ASTN1: variants seen among roughly 807,000 people sequenced by gnomAD.
ASTN1 encodes astrotactin-1.
Under a neutral mutation model 140.7 loss-of-function variants are expected in ASTN1, and 41 were observed. The ratio of observed to expected loss-of-function variants is 0.29; its 90% confidence interval spans 0.23 to 0.38. ASTN1 has a LOEUF of 0.38. ASTN1 is among the 10% of genes least tolerant of loss of function. The pLI, the probability that ASTN1 is intolerant of heterozygous loss-of-function variation, is 1.00. For missense variants in ASTN1, 1,479 were observed against 1,678.8 expected, an observed-to-expected ratio of 0.88 and a Z score of 2.08; for synonymous variants, 640 against 652.2, an observed-to-expected ratio of 0.98 and a Z score of 0.29.
chr1:176,877,522 G>C (rs1031566177), intron 20 of ASTN1, among the ~76,000 whole-genome samples: 1 of 152,176 alleles, frequency 6.6e-6, no homozygotes, highest in Admixed American at 6.5e-5. Context: ...CCCCTTCCTA[G>C]AAGAAAATGA....
chr1:177,153,057 C>G (rs566962531), intron 1 of ASTN1, among the ~76,000 whole-genome samples: 2 of 152,160 alleles, frequency 1.3e-5, no homozygotes, highest in South Asian at 4.1e-4. Flanking sequence ...TGTTTGTCCT[C>G]CCACACCACT....
intron 8 of ASTN1, among the ~76,000 whole-genome samples, chr1:176,969,431 C>A (rs1485711706): frequency 1.3e-5 from 2 of 152,156 alleles, no homozygotes; most frequent in Non-Finnish European, 2.9e-5. Flanking sequence ...GTCAGATGAG[C>A]AACCTGGACC....
intron 14 of ASTN1, among the ~76,000 whole-genome samples, chr1:176,937,436 A>G (rs1671496370): frequency 6.6e-6 from 1 of 152,158 alleles, no homozygotes; most frequent in Non-Finnish European, 1.5e-5. Flanking sequence ...TAGTTGTCCA[A>G]GGTCACTCTC....
chr1:176,864,646 T>C (rs982301767), intron 22 of ASTN1, 125 bp from the exon 23 acceptor site: 4 of 1,387,110 alleles, frequency 2.9e-6, no homozygotes, highest in Non-Finnish European at 2.9e-6. Flanking sequence ...GCTCCCTATT[T>C]TATCTTTGGC....
At chr1:176,960,648 C>T (rs1381693317) in intron 9 of ASTN1, among the ~76,000 whole-genome samples, 1 of 152,194 alleles carries the variant, frequency 6.6e-6, no homozygotes, top group Non-Finnish European at 1.5e-5. Context: ...TCCCAGCCTC[C>T]AAAGAGGTCA....
chr1:177,142,769 C>T (rs1180313695), intron 1 of ASTN1, among the ~76,000 whole-genome samples: 1 of 151,954 alleles, frequency 6.6e-6, no homozygotes, highest in East Asian at 1.9e-4. Context: ...TTTAATCCAG[C>T]AAGTTCCTGA....
In ASTN1 at chr1:177,061,203, C is replaced by T; in HGVS notation, c.346G>A (p.Gly116Ser). 1 of 1,608,760 alleles carries T rather than the reference C, an allele frequency of 6.2e-7. No individual in the cohort carries two copies. Among genetic ancestry groups the T allele is most frequent in the Non-Finnish European group, 8.5e-7 (1 of 1,177,580 alleles). ...TGATGAATGTGAAAAAGCAAAGTGC[C>T]ATTCTCCAGCCACTGCTGCCTCCAG... ...VRWRQQWLEN[G>S]TLLFHIHHQD... Residue 116 changes from glycine to serine, a missense_variant, in exon 2 of 23, where the codon GGC becomes AGC. This residue lies in a region of ASTN1 where 729 missense variants were observed against 860.4 expected (regional missense o/e 0.85). Transcript: ENST00000361833.
chr1:177,044,848 T>C (rs1677145119), intron 2 of ASTN1, among the ~76,000 whole-genome samples: 1 of 152,212 alleles, frequency 6.6e-6, no homozygotes, highest in Non-Finnish European at 1.5e-5. Flanking sequence ...AATCATAGTG[T>C]TCACAGAGTT....
chr1:176,931,087 G>A (rs1363562130), intron 16 of ASTN1, among the ~76,000 whole-genome samples: 1 of 152,134 alleles, frequency 6.6e-6, no homozygotes, highest in African/African-American at 2.4e-5. Context: ...AAAGAACGAT[G>A]GGAGAAGATA....
chr1:177,115,872 A>G (rs376076714), intron 1 of ASTN1, among the ~76,000 whole-genome samples: 1 of 152,138 alleles, frequency 6.6e-6, no homozygotes, highest in Non-Finnish European at 1.5e-5. Context: ...CACACGCAAC[A>G]TTTAATTTTA....
chr1:177,143,287 G>T (rs907856503), intron 1 of ASTN1, among the ~76,000 whole-genome samples: 4 of 152,176 alleles, frequency 2.6e-5, no homozygotes, highest in South Asian at 2.1e-4. Flanking sequence ...TGTTGTCAAT[G>T]CCCAGTCTTT....
chr1:177,150,748 T>C (rs1225877216), intron 1 of ASTN1, among the ~76,000 whole-genome samples: 1 of 152,098 alleles, frequency 6.6e-6, no homozygotes, highest in Non-Finnish European at 1.5e-5. Flanking sequence ...AATTATAAAG[T>C]AGAAAGCTGA....
At chr1:176,988,422 T>C (rs1205681452) in intron 8 of ASTN1, among the ~76,000 whole-genome samples, 1 of 152,154 alleles carries the variant, frequency 6.6e-6, no homozygotes, top group Admixed American at 6.5e-5. Flanking sequence ...CACTTTGGGT[T>C]ATTTGCAAAT....
At chr1:177,126,265 C>T (rs956359697) in intron 1 of ASTN1, among the ~76,000 whole-genome samples, 3 of 152,078 alleles carry the variant, frequency 2.0e-5, no homozygotes, top group African/African-American at 7.2e-5. Context: ...TTTTAGCTGC[C>T]CTTAGTAACT....
Position 176,936,450 on chromosome 1 carries a change from A to T in ASTN1, c.2378-80T>A, listed in dbSNP as rs904301032. 4 of 1,091,070 alleles carry T rather than the reference A, an allele frequency of 3.7e-6. No homozygotes were observed. The African/African-American group carries it at 6.2e-5, about 17-fold the overall frequency. The allele number at this position is 1,091,070 out of a possible 1,614,324, so 67.6% of individuals were successfully genotyped here. On this transcript the variant is annotated intron_variant, in intron 14 of 22. Transcript: ENST00000361833. Reference sequence around the variant, plus strand: ...TCAAAAAGCATGACCCACCTCTATGAGGCGAAGTGTTGTAATTGTGAGAAA... The same window carrying T: ...TCAAAAAGCATGACCCACCTCTATGTGGCGAAGTGTTGTAATTGTGAGAAA...
At chr1:176,896,474 G>C (rs1258026643) in intron 16 of ASTN1, among the ~76,000 whole-genome samples, 1 of 152,128 alleles carries the variant, frequency 6.6e-6, no homozygotes, top group East Asian at 1.9e-4. Flanking sequence ...TATTTGCAAA[G>C]TGGCCACAAG....
At chr1:177,153,308 A>C (rs1297250200) in intron 1 of ASTN1, among the ~76,000 whole-genome samples, 1 of 152,100 alleles carries the variant, frequency 6.6e-6, no homozygotes, top group Non-Finnish European at 1.5e-5. Flanking sequence ...TTTGTCTTCC[A>C]CCATGAGTGG....
intron 5 of ASTN1, among the ~76,000 whole-genome samples, chr1:177,027,212 C>T (rs1676161867): frequency 6.6e-6 from 1 of 152,120 alleles, no homozygotes; most frequent in African/African-American, 2.4e-5. Flanking sequence ...CCTGTAAACA[C>T]TTCCCTGAAA....
At chr1:177,148,439 T>G (rs1039497025) in intron 1 of ASTN1, among the ~76,000 whole-genome samples, 4 of 149,094 alleles carry the variant, frequency 2.7e-5, no homozygotes, top group Admixed American at 1.3e-4. Context: ...AAAAGGAAAA[T>G]TTTCAAAGTA....
Sources: gnomAD v4.1 joint callset for allele counts (sites outside exome capture counted in the v4.1 genomes callset) on GRCh38, gnomAD v4.1.1 for gene constraint, gnomAD v4.1.1 regional missense constraint, MANE v1.5 for transcripts, NCBI Gene and HGNC (gene_info 2026-07-23, HGNC 2026-07-21) for gene names.